The following COPB2 variants were observed in gnomAD, a reference collection of about 807,000 sequenced individuals.
COPB2 encodes the protein coatomer subunit beta'.
Under a neutral mutation model 120.8 loss-of-function variants are expected in COPB2, and 16 were observed. The ratio of observed to expected loss-of-function variants is 0.13; its 90% CI spans 0.09 to 0.20. COPB2 has a LOEUF of 0.20. Among genes scored for constraint, COPB2 ranks in the 10% least tolerant of loss-of-function variants. COPB2 has a pLI of 1.00. For missense variants in COPB2, 794 were observed against 1,076.5 expected (o/e 0.74, Z 3.67); for synonymous variants, 332 against 366.3 (o/e 0.91, Z 1.07).
intron 13 of COPB2, 116 bp from the exon 14 acceptor site, chr3:139,367,261 C>A: frequency 1.6e-6 from 2 of 1,238,466 alleles, no homozygotes; most frequent in South Asian, 1.8e-5. Context: ...TAAAATCCTT[C>A]CTATTTCTAG....
rs535613196 is a variant in COPB2, at chr3:139,368,679, T to C, written c.1402-391A>G. Among the ~76,000 whole-genome samples the C allele has an allele frequency of 1.4e-4, 22 of 152,334 alleles. No individual in the cohort carries two copies. The South Asian group carries it at 4.3e-3, about 30-fold the overall frequency. On this transcript the variant is annotated intron_variant, in intron 12 of 21. Transcript: ENST00000333188. ...CCCAATGAAATTTTAATACCACAGA[T>C]ATACATATATAATGCATATACATAT...
chr3:139,381,742 G>A (rs1051145836), intron 2 of COPB2: 5 of 152,130 alleles, frequency 3.3e-5, no homozygotes, highest in Admixed American at 1.3e-4. Flanking sequence ...AGAAAAGTAC[G>A]CCTGGGCTTT....
chr3:139,385,676 A>G (rs1188755561), intron 1 of COPB2, among the ~76,000 whole-genome samples: 1 of 152,230 alleles, frequency 6.6e-6, no homozygotes, highest in African/African-American at 2.4e-5. Flanking sequence ...GAAAATATGA[A>G]TAGTTTATAC....
intron 15 of COPB2, among the ~76,000 whole-genome samples, chr3:139,363,652 A>G (rs1941466108): frequency 6.6e-6 from 1 of 152,152 alleles, no homozygotes; most frequent in African/African-American, 2.4e-5. Flanking sequence ...AAGCTCAGGG[A>G]TAGTTTACCT....
In COPB2 at chr3:139,367,141, A is replaced by G; in HGVS notation, c.1550T>C (p.Leu517Pro). ...TTTCACAATTTCCTGAATCTCACCA[A>G]GAACCTGCAGAAAGAAAAATAAAGA... is the stretch of plus-strand genomic sequence containing the variant. ...EDGIEDAFEV[L>P]GEIQEIVKTG... Residue 517 changes from leucine (L) to proline (P), a missense_variant, in exon 14 of 22, where the codon CTT becomes CCT. Physicochemically the swap from Leu to Pro is moderately conservative, Grantham distance 98. This residue lies in a region of COPB2 where 610 missense variants were observed against 866.7 expected (regional missense o/e 0.70). Transcript: ENST00000333188. 1 of 1,608,762 alleles carries G rather than the reference A, an allele frequency of 6.2e-7. No homozygotes were observed. The highest frequency in any genetic ancestry group is 1.1e-5 in the South Asian group (1 of 89,868).
intron 15 of COPB2, among the ~76,000 whole-genome samples, chr3:139,363,335 G>A (rs1285417574): frequency 6.6e-6 from 1 of 152,290 alleles, no homozygotes; most frequent in Admixed American, 6.5e-5. Flanking sequence ...CGCCTGTAAC[G>A]GCATTAGATT....
chr3:139,365,409 T>C (rs1236371088), intron 15 of COPB2, among the ~76,000 whole-genome samples: 2 of 152,214 alleles, frequency 1.3e-5, no homozygotes, highest in Non-Finnish European at 2.9e-5. Context: ...ACCAGTTAAA[T>C]GGTTGAATAT....
chr3:139,368,619 T>TA (rs1264263254), intron 12 of COPB2, among the ~76,000 whole-genome samples: 1 of 152,144 alleles, frequency 6.6e-6, no homozygotes, highest in Admixed American at 6.5e-5. Context: ...CCACCCTCCC[T>TA]AGAAGTCTTT....
intron 1 of COPB2, among the ~76,000 whole-genome samples, chr3:139,388,935 A>C (rs535094606): frequency 2.2e-4 from 34 of 152,108 alleles, no homozygotes; most frequent in African/African-American, 7.5e-4. Context: ...AAAGTGCTCT[A>C]ACAATTACTA....
chr3:139,387,702 C>A (rs1033194539), intron 1 of COPB2, among the ~76,000 whole-genome samples: 3 of 152,178 alleles, frequency 2.0e-5, no homozygotes, highest in African/African-American at 7.2e-5. Context: ...TACCATAACA[C>A]AAGACTAGAA....
chr3:139,367,570 G>C lies in COPB2; in HGVS notation c.1546-425C>G, dbSNP rs574943326. On this transcript the variant is annotated intron_variant, in intron 13 of 21. Coordinates refer to ENST00000333188, the MANE Select transcript of COPB2 (RefSeq NM_004766.3). Reference sequence around the variant, plus strand: ...CCCAAAGTGCTGGGATTATAGGTGTGAGCCACTGCACCCCGCTGGAATTTC... The same window carrying C: ...CCCAAAGTGCTGGGATTATAGGTGTCAGCCACTGCACCCCGCTGGAATTTC... 1.6e-3 allele frequency among the ~76,000 whole-genome samples: 241 copies of C among 152,106 alleles called. 1 individual carries two copies. Among genetic ancestry groups the C allele is most frequent in the Non-Finnish European group, 2.8e-3 (188 of 67,990 alleles).
chr3:139,371,059 T>G (rs1941615635), intron 10 of COPB2, among the ~76,000 whole-genome samples: 1 of 152,192 alleles, frequency 6.6e-6, no homozygotes, highest in African/African-American at 2.4e-5. Context: ...TGTGAAAATG[T>G]AATTCAGTTG....
Position 139,359,285 on chromosome 3 carries a change from G to A in COPB2, c.2288C>T (p.Pro763Leu), listed in dbSNP as rs984851094. The change falls in exon 18 of 22, where the codon CCC (proline) becomes CTC (leucine). Residue 763 changes from proline (P) to leucine (L), a missense_variant. Transcript: ENST00000333188. ...EAAFLARTYL[P>L]SQVSRVVKLW... Reference sequence around the variant, plus strand: ...AAGTCTGTACCTTGAAACCTGACTGGGTAAGTAAGTTCGGGCCAAGAAGGC... The same window carrying A: ...AAGTCTGTACCTTGAAACCTGACTGAGTAAGTAAGTTCGGGCCAAGAAGGC... 1.9e-6 allele frequency: 3 copies of A among 1,613,960 alleles called. No homozygotes were observed. Among genetic ancestry groups the A allele is most frequent in the African/African-American group, 2.7e-5 (2 of 74,872 alleles).
intron 1 of COPB2, among the ~76,000 whole-genome samples, chr3:139,383,782 T>G (rs768625857): frequency 1.4e-5 from 2 of 147,002 alleles, no homozygotes; most frequent in Non-Finnish European, 3.0e-5. Context: ...TTTAAAATAT[T>G]TATATATTAA....
At chr3:139,382,155 C>G (rs796471737) in intron 2 of COPB2, 8 of 152,234 alleles carry the variant, frequency 5.3e-5, no homozygotes, top group African/African-American at 1.9e-4. Context: ...GTATCCCCAC[C>G]CAAATCTCAT....
intron 17 of COPB2, among the ~76,000 whole-genome samples, chr3:139,360,316 G>T (rs1051804577): frequency 1.3e-5 from 2 of 151,958 alleles, no homozygotes; most frequent in African/African-American, 2.4e-5. Flanking sequence ...TTGAGGTCAG[G>T]AGTTTGAGAC....
In COPB2 at chr3:139,361,077, T is replaced by G; in HGVS notation, c.2210+4A>C. The G allele has an allele frequency of 6.2e-7, 1 of 1,613,736 alleles. No homozygotes were observed. Among genetic ancestry groups the G allele is most frequent in the Middle Eastern group, 1.7e-4 (1 of 6,060 alleles). ...ATTAATTAATCTTTTAAATTAATAC[T>G]CACTTGCCCTGTAAAAAGTAGCTCA... On this transcript the variant is annotated splice_donor_region_variant and intron_variant, in intron 17 of 21. Coordinates refer to ENST00000333188, the MANE Select transcript of COPB2 (RefSeq NM_004766.3).
At chr3:139,358,513 A>C (rs1348335915) in intron 20 of COPB2, 1 of 597,670 alleles carries the variant, frequency 1.7e-6, no homozygotes, top group Non-Finnish European at 3.0e-6. Context: ...CCTGTCTCTA[A>C]TAAAAATACA....
rs1941771712 is a variant in COPB2 at position 139,379,596 on chromosome 3, A to G, written c.142-130T>C. ...TAGTATATTCTCAGGCTAAAATATA[A>G]AAGCTCAACATTCAAATTTTTAAAA... On this transcript the variant is annotated intron_variant, in intron 2 of 21. Transcript: ENST00000333188. The G allele has an allele frequency of 5.9e-6, 4 of 677,546 alleles. No individual in the cohort carries two copies. The Admixed American group carries it at 1.4e-4, about 23-fold the overall frequency. 42.0% of individuals were successfully genotyped at this position (677,546 alleles called of 1,614,324 possible).
Sources: allele counts gnomAD v4.1 joint callset (sites outside exome capture counted in the v4.1 genomes callset), GRCh38; gene constraint gnomAD v4.1.1; regional missense constraint gnomAD v4.1.1; transcripts MANE v1.5; gene names NCBI Gene and HGNC (gene_info 2026-07-23, HGNC 2026-07-21).